PPARGC1B: variants seen among roughly 807,000 people sequenced by gnomAD.
PPARGC1B encodes the protein PPARG coactivator 1 beta, also known as peroxisome proliferator-activated receptor gamma coactivator 1-beta.
Under a neutral mutation model 101.6 loss-of-function variants are expected in PPARGC1B, and 34 were observed. That is an observed-to-expected ratio of 0.33 (90% CI 0.25 to 0.45). The LOEUF (loss-of-function observed/expected upper bound fraction) is 0.45, where lower values mean the gene tolerates loss of function less well. Among genes scored for constraint, PPARGC1B ranks in the 20% least tolerant of loss-of-function variants. PPARGC1B has a pLI of 1.00. For synonymous variants in PPARGC1B, 548 were observed against 539.3 expected, an observed-to-expected ratio of 1.02 and a Z score of -0.22; for missense variants, 1,234 against 1,317.6, an observed-to-expected ratio of 0.94 and a Z score of 0.98.
At chr5:149,781,476 C>T (rs960593869) in intron 1 of PPARGC1B, among the ~76,000 whole-genome samples, 2 of 152,218 alleles carry the variant, frequency 1.3e-5, no homozygotes, top group Non-Finnish European at 1.5e-5. Context: ...TCCTGTCTGC[C>T]TCTCAGTCTT....
At chr5:149,769,477 A>C (rs566139036) in intron 1 of PPARGC1B, among the ~76,000 whole-genome samples, 124 of 152,310 alleles carry the variant, frequency 8.1e-4, no homozygotes, top group Admixed American at 9.8e-4. Flanking sequence ...GAGCTCATCC[A>C]GGAGGGGAAG....
chr5:149,763,673 G>T (rs1486188375), intron 1 of PPARGC1B, among the ~76,000 whole-genome samples: 1 of 151,918 alleles, frequency 6.6e-6, no homozygotes, highest in Non-Finnish European at 1.5e-5. Context: ...TGGGACTATA[G>T]GTGCGTGCCA....
intron 1 of PPARGC1B, among the ~76,000 whole-genome samples, chr5:149,751,815 A>G (rs1755319254): frequency 6.6e-6 from 1 of 152,110 alleles, no homozygotes; most frequent in Admixed American, 6.6e-5. Flanking sequence ...CTTCTCCCCA[A>G]GCTTCTCTCC....
chr5:149,762,376 A>T (rs1755748612), intron 1 of PPARGC1B, among the ~76,000 whole-genome samples: 1 of 152,076 alleles, frequency 6.6e-6, no homozygotes, highest in Non-Finnish European at 1.5e-5. Flanking sequence ...CAAACTCCTG[A>T]CCTCAAGTGA....
intron 1 of PPARGC1B, among the ~76,000 whole-genome samples, chr5:149,795,191 A>G (rs1034329595): frequency 6.6e-6 from 1 of 152,214 alleles, no homozygotes; most frequent in Non-Finnish European, 1.5e-5. Context: ...TTATTCTAGC[A>G]TAGAAATTAC....
intron 1 of PPARGC1B, among the ~76,000 whole-genome samples, chr5:149,799,693 G>GTTGT (rs752427488): frequency 2.5e-4 from 19 of 76,462 alleles, no homozygotes; most frequent in African/African-American, 8.5e-4. Flanking sequence ...GCTTGTTGTT[G>GTTGT]TTTTTTTTTT....
intron 1 of PPARGC1B, among the ~76,000 whole-genome samples, chr5:149,750,749 C>T (rs954112034): frequency 3.3e-5 from 5 of 152,200 alleles, no homozygotes; most frequent in African/African-American, 4.8e-5. Context: ...ATACCAAAGC[C>T]ATCCGATTAT....
At chr5:149,793,756 T>C (rs1464304960) in intron 1 of PPARGC1B, among the ~76,000 whole-genome samples, 1 of 152,068 alleles carries the variant, frequency 6.6e-6, no homozygotes, top group Non-Finnish European at 1.5e-5. Context: ...AGGAGGAAGA[T>C]GTGTAAGCTG....
At chr5:149,835,712 T>C (rs1428475048) in intron 7 of PPARGC1B, among the ~76,000 whole-genome samples, 1 of 152,176 alleles carries the variant, frequency 6.6e-6, no homozygotes, top group African/African-American at 2.4e-5. Context: ...GTTGAACGAT[T>C]GGACGTAGAT....
chr5:149,757,406 G>C (rs1354186971), intron 1 of PPARGC1B, among the ~76,000 whole-genome samples: 1 of 152,066 alleles, frequency 6.6e-6, no homozygotes, highest in Non-Finnish European at 1.5e-5. Context: ...CGCCCTGCCT[G>C]AGGGGATGGC....
intron 3 of PPARGC1B, 66 bp downstream of exon 3, chr5:149,826,951 G>A: frequency 7.9e-7 from 1 of 1,271,170 alleles, no homozygotes; most frequent in South Asian, 1.3e-5. Flanking sequence ...TTCAGGGCAT[G>A]GGGTGCAGAG....
chr5:149,831,850 TC>T (rs1340093237), intron 4 of PPARGC1B, among the ~76,000 whole-genome samples: 2 of 152,188 alleles, frequency 1.3e-5, no homozygotes, highest in Non-Finnish European at 2.9e-5. Flanking sequence ...CCATGGAGCC[TC>T]CCCTTTATCC....
chr5:149,766,913 C>T (rs182616571), intron 1 of PPARGC1B, among the ~76,000 whole-genome samples: 75 of 152,302 alleles, frequency 4.9e-4, no homozygotes, highest in Middle Eastern at 3.4e-3. Flanking sequence ...CATCTGGAAC[C>T]AGCCCAGAGG....
In PPARGC1B at chr5:149,806,956, C is replaced by CT. The variant is rs113853384; in HGVS notation, c.79-13466dup. On this transcript the variant is annotated intron_variant, in intron 1 of 11. Transcript: ENST00000309241. ...AAATGTACCTAACATAAAATTTACC[C>CT]TTTTTTTTTTTCCTTTTTGAGACAG... Among the ~76,000 whole-genome samples the CT allele has an allele frequency of 5.0e-3, 729 of 145,468 alleles. 3 individuals carry two copies. Among genetic ancestry groups the CT allele is most frequent in the African/African-American group, 0.012 (459 of 39,696 alleles).
chr5:149,843,861 C>G lies in PPARGC1B; in HGVS notation c.2816+1484C>G, dbSNP rs141462869. Among the ~76,000 whole-genome samples, 366 of 152,308 alleles carry G rather than the reference C, an allele frequency of 2.4e-3. 2 individuals carry two copies. The highest frequency in any genetic ancestry group is 4.5e-3 in the Admixed American group (69 of 15,304). ...CACGTCACCACATGGATGAACCTGA[C>G]AACATTGTGCTGAGTAAAATAAGCC... is the stretch of plus-strand genomic sequence containing the variant. On this transcript the variant is annotated intron_variant, in intron 10 of 11. Transcript: ENST00000309241.
rs1758823198 is a variant in PPARGC1B, at chr5:149,832,342, C to G, written c.583-314C>G. 6.6e-6 allele frequency among the ~76,000 whole-genome samples: 1 copy of G among 152,144 alleles called. No individual in the cohort carries two copies. The highest frequency in any genetic ancestry group is 1.5e-5 in the Non-Finnish European group (1 of 68,020). On this transcript the variant is annotated intron_variant, in intron 4 of 11. Coordinates refer to ENST00000309241, the MANE Select transcript of PPARGC1B (RefSeq NM_133263.4). The surrounding 1 kb of genome is among the most constrained non-coding windows in gnomAD (Gnocchi z 4.9). ...GCTACCATGAACCTACTGCCCGGCT[C>G]TTGGCTGAGGGGTACGGAGCAGGGA...
At chr5:149,828,001 A>G (rs1758596859) in intron 3 of PPARGC1B, among the ~76,000 whole-genome samples, 1 of 152,064 alleles carries the variant, frequency 6.6e-6, no homozygotes, top group African/African-American at 2.4e-5. Flanking sequence ...TAGGTTATGG[A>G]GAGTTTGAGC....
intron 1 of PPARGC1B, among the ~76,000 whole-genome samples, chr5:149,796,726 G>A (rs1030363840): frequency 6.6e-6 from 1 of 152,148 alleles, no homozygotes; most frequent in Admixed American, 6.5e-5. Context: ...GAGGGCGAGG[G>A]AAGAGAGGAA....
chr5:149,783,674 GTCCCTC>G (rs1416728774), intron 1 of PPARGC1B, among the ~76,000 whole-genome samples: 1 of 152,158 alleles, frequency 6.6e-6, no homozygotes. Flanking sequence ...TTGAGACAGG[GTCCCTC>G]TCCCTCTCCG....
Sources: gnomAD v4.1 joint callset for allele counts (sites outside exome capture counted in the v4.1 genomes callset) on GRCh38, gnomAD v4.1.1 for gene constraint, Gnocchi (gnomAD v3.1) non-coding constraint, MANE v1.5 for transcripts, NCBI Gene and HGNC (gene_info 2026-07-23, HGNC 2026-07-21) for gene names.